ADGRB3: variants seen among roughly 807,000 people sequenced by gnomAD.
ADGRB3 encodes brain-specific angiogenesis inhibitor 3.
ADGRB3 carries 37 observed loss-of-function variants against 193.4 expected under a neutral mutation model. That is an observed-to-expected ratio of 0.19 (90% CI 0.15 to 0.25). The LOEUF (loss-of-function observed/expected upper bound fraction) is 0.25. Among genes scored for constraint, ADGRB3 ranks in the 10% least tolerant of loss-of-function variants. The pLI, the probability that ADGRB3 is intolerant of heterozygous loss-of-function variation, is 1.00. For synonymous variants in ADGRB3, 690 were observed against 644.2 expected (o/e 1.07, Z -1.08); for missense variants, 1,637 against 1,852.9 (o/e 0.88, Z 2.14).
intron 3 of ADGRB3, among the ~76,000 whole-genome samples, chr6:68,822,677 A>G (rs1767768510): frequency 6.6e-6 from 1 of 151,958 alleles, no homozygotes; most frequent in South Asian, 2.1e-4. Flanking sequence ...TCAGATTTTT[A>G]AAAATCTTTC....
chr6:69,204,444 T>C (rs926101053), intron 17 of ADGRB3, among the ~76,000 whole-genome samples: 6 of 152,154 alleles, frequency 3.9e-5, no homozygotes, highest in African/African-American at 1.4e-4. Flanking sequence ...CTTTTGAGTT[T>C]GGTATTCTAA....
At chr6:68,965,655 G>C (rs1424021301) in intron 8 of ADGRB3, among the ~76,000 whole-genome samples, 1 of 151,998 alleles carries the variant, frequency 6.6e-6, no homozygotes, top group African/African-American at 2.4e-5. Context: ...TTACTTTAAG[G>C]GGCATGCTAA....
chr6:68,774,726 G>A (rs1239999284), intron 3 of ADGRB3, among the ~76,000 whole-genome samples: 4 of 151,778 alleles, frequency 2.6e-5, no homozygotes, highest in Non-Finnish European at 5.9e-5. Context: ...AATAGAATAG[G>A]AGGCCTGGGA....
intron 20 of ADGRB3, among the ~76,000 whole-genome samples, chr6:69,271,239 T>G (rs1187870252): frequency 1.3e-5 from 2 of 152,180 alleles, no homozygotes; most frequent in East Asian, 3.8e-4. Context: ...TTGAGAGAGC[T>G]GAGAGGACTG....
At chr6:68,966,054 C>G (rs1315390124) in intron 8 of ADGRB3, among the ~76,000 whole-genome samples, 2 of 152,142 alleles carry the variant, frequency 1.3e-5, no homozygotes, top group African/African-American at 4.8e-5. Context: ...CATCTCCTCT[C>G]CCAAGTCATC....
At chr6:69,106,164 T>TAAAAAAAAAAAAA (rs61114782) in intron 17 of ADGRB3, among the ~76,000 whole-genome samples, 47 of 91,058 alleles carry the variant, frequency 5.2e-4, no homozygotes, top group Non-Finnish European at 5.7e-4. Flanking sequence ...GAGACTGCGT[T>TAAAAAAAAAAAAA]AAAAAAAAAA....
chr6:69,303,876 A>G (rs4348277), intron 20 of ADGRB3, among the ~76,000 whole-genome samples: 54,125 of 151,796 alleles, frequency 0.36, 10,024 homozygotes, highest in Middle Eastern at 0.42. Context: ...AATAGTAATC[A>G]CCTTCTGTGA....
intron 20 of ADGRB3, among the ~76,000 whole-genome samples, chr6:69,262,824 TAA>T (rs11358055): frequency 4.9e-4 from 73 of 149,788 alleles, no homozygotes; most frequent in African/African-American, 1.7e-3. Flanking sequence ...GTATGTGTCA[TAA>T]AAAAAAAATA....
chr6:69,073,611 C>A, intron 16 of ADGRB3, among the ~76,000 whole-genome samples: 1 of 152,136 alleles, frequency 6.6e-6, no homozygotes, highest in East Asian at 1.9e-4. Context: ...GGGCCAGGCT[C>A]CTCCCCTGCA....
chr6:68,900,287 G>A (rs1305932106), intron 3 of ADGRB3, among the ~76,000 whole-genome samples: 2 of 152,124 alleles, frequency 1.3e-5, no homozygotes, highest in Admixed American at 1.3e-4. Context: ...TTATTTCTGA[G>A]AATGTGCTTA....
At chr6:68,665,034 C>T (rs1768766377) in intron 3 of ADGRB3, among the ~76,000 whole-genome samples, 1 of 151,720 alleles carries the variant, frequency 6.6e-6, no homozygotes, top group South Asian at 2.1e-4. Flanking sequence ...GAGATCTCTC[C>T]CCTCCCACCT....
chr6:68,726,925 T>C (rs1241827375), intron 3 of ADGRB3, among the ~76,000 whole-genome samples: 2 of 151,526 alleles, frequency 1.3e-5, no homozygotes, highest in East Asian at 1.9e-4. Context: ...AGTTTCCTCA[T>C]TGGATAAAAT....
chr6:68,771,954 G>A (rs1033765363), intron 3 of ADGRB3, among the ~76,000 whole-genome samples: 6 of 152,082 alleles, frequency 3.9e-5, no homozygotes, highest in Non-Finnish European at 4.4e-5. Flanking sequence ...CTGGAAGTGG[G>A]AAGGCATTAA....
intron 13 of ADGRB3, among the ~76,000 whole-genome samples, chr6:69,044,544 T>C (rs944912118): frequency 6.6e-6 from 1 of 152,240 alleles, no homozygotes; most frequent in Admixed American, 6.5e-5. Context: ...TTCCCTATGC[T>C]TTCTGATGAA....
intron 3 of ADGRB3, among the ~76,000 whole-genome samples, chr6:68,930,284 C>T (rs1287432779): frequency 6.6e-6 from 1 of 151,872 alleles, no homozygotes; most frequent in East Asian, 1.9e-4. Context: ...ACTTCAAAAC[C>T]TTATCAGAAA....
intron 20 of ADGRB3, among the ~76,000 whole-genome samples, chr6:69,293,965 G>T (rs1377499856): frequency 6.6e-6 from 1 of 151,992 alleles, no homozygotes; most frequent in Non-Finnish European, 1.5e-5. Flanking sequence ...TTTCCAGGGG[G>T]GAGGGTAGCA....
intron 17 of ADGRB3, among the ~76,000 whole-genome samples, chr6:69,098,877 T>G (rs566508418): frequency 1.3e-5 from 2 of 152,232 alleles, no homozygotes; most frequent in Non-Finnish European, 2.9e-5. Context: ...ACGAGTTGTC[T>G]TAATTTTTCT....
chr6:68,732,603 A>C (rs982145706), intron 3 of ADGRB3, among the ~76,000 whole-genome samples: 1 of 151,912 alleles, frequency 6.6e-6, no homozygotes, highest in South Asian at 2.1e-4. Context: ...GTTTGGGATG[A>C]CTTTGCAGAG....
At chr6:68,719,719 A>G (rs1199908580) in intron 3 of ADGRB3, among the ~76,000 whole-genome samples, 2 of 151,738 alleles carry the variant, frequency 1.3e-5, no homozygotes, top group African/African-American at 4.8e-5. Flanking sequence ...TTGAATCTAT[A>G]GGAATCACAA....
Sources: allele counts gnomAD v4.1 joint callset (sites outside exome capture counted in the v4.1 genomes callset), GRCh38; gene constraint gnomAD v4.1.1; transcripts MANE v1.5; gene names NCBI Gene and HGNC (gene_info 2026-07-23, HGNC 2026-07-21).